KHDRBS1: variants seen among roughly 807,000 people sequenced by gnomAD.
KHDRBS1 encodes the protein KH RNA binding domain containing, signal transduction associated 1.
A neutral mutation model predicts 48.4 loss-of-function variants in KHDRBS1; 7 were observed. The observed-to-expected ratio is 0.14, with a 90% CI of 0.08 to 0.27. The LOEUF (loss-of-function observed/expected upper bound fraction) is 0.27, where lower values mean the gene tolerates loss of function less well. KHDRBS1 is among the 10% of genes least tolerant of loss of function. The pLI is 1.00. For missense variants in KHDRBS1, 458 were observed against 601.2 expected, an observed-to-expected ratio of 0.76 and a Z score of 2.49; for synonymous variants, 241 against 235.8, an observed-to-expected ratio of 1.02 and a Z score of -0.20.
At chr1:32,023,911 C>T (rs1283662547) in intron 1 of KHDRBS1, among the ~76,000 whole-genome samples, 2 of 152,024 alleles carry the variant, frequency 1.3e-5, no homozygotes, top group Non-Finnish European at 2.9e-5. Context: ...TAAAGTGTGC[C>T]CCCCACAAAC....
intron 1 of KHDRBS1, among the ~76,000 whole-genome samples, chr1:32,028,782 A>G (rs372080665): frequency 6.7e-6 from 1 of 150,182 alleles, no homozygotes; most frequent in African/African-American, 2.4e-5. Flanking sequence ...TGGGATTACA[A>G]GCGTGAGCCA....
Position 32,030,429 on chromosome 1 carries a change from C to T in KHDRBS1, c.507+7C>T. On this transcript the variant is annotated splice_region_variant and intron_variant, in intron 2 of 8. Transcript: ENST00000327300. ...TGTCAAGCAGTATCCCAAGGTAAGG[C>T]AAAAAGTGCTTTGGATCTTTGAGTT... is the stretch of plus-strand genomic sequence containing the variant. 1.3e-6 allele frequency: 2 copies of T among 1,590,318 alleles called. No homozygotes were observed. The highest frequency in any genetic ancestry group is 1.7e-6 in the Non-Finnish European group (2 of 1,171,380).
chr1:32,059,166 A>G (rs1026954789), intron 10 of KHDRBS1, among the ~76,000 whole-genome samples: 13 of 128,462 alleles, frequency 1.0e-4, no homozygotes, highest in Non-Finnish European at 1.8e-4. Flanking sequence ...GTCTCAGGAG[A>G]AAAAAAAAAA....
chr1:32,047,262 G>A (rs1431638930), downstream of KHDRBS1, among the ~76,000 whole-genome samples: 1 of 152,158 alleles, frequency 6.6e-6, no homozygotes, highest in Non-Finnish European at 1.5e-5. Context: ...GGGTTCAAGC[G>A]ATTCCCCTGC....
chr1:32,016,376 A>C (rs961716364), intron 1 of KHDRBS1, among the ~76,000 whole-genome samples: 3 of 152,168 alleles, frequency 2.0e-5, no homozygotes, highest in African/African-American at 7.2e-5. Context: ...AGGTAACAAA[A>C]TTAGTAAGCA....
chr1:32,017,257 C>CA (rs1003013929), intron 1 of KHDRBS1, among the ~76,000 whole-genome samples: 198 of 109,126 alleles, frequency 1.8e-3, no homozygotes, highest in Middle Eastern at 0.012. Context: ...GACTCCGTCT[C>CA]AAAAAAAAAA....
At chr1:32,017,962 A>G (rs1034946076) in intron 1 of KHDRBS1, among the ~76,000 whole-genome samples, 3 of 152,176 alleles carry the variant, frequency 2.0e-5, no homozygotes, top group Non-Finnish European at 2.9e-5. Flanking sequence ...TGACTCAAGA[A>G]TAAACATTTT....
intron 1 of KHDRBS1, among the ~76,000 whole-genome samples, chr1:32,016,265 A>G (rs1206831473): frequency 1.3e-5 from 2 of 152,076 alleles, no homozygotes; most frequent in Admixed American, 6.6e-5. Context: ...AGCACTTTAC[A>G]TTAAATATTT....
intron 10 of KHDRBS1, among the ~76,000 whole-genome samples, chr1:32,059,024 G>A (rs930836618): frequency 1.3e-5 from 2 of 151,934 alleles, no homozygotes; most frequent in East Asian, 1.9e-4. Flanking sequence ...GGGCATGGTG[G>A]TGCGTGCCTG....
intron 1 of KHDRBS1, among the ~76,000 whole-genome samples, chr1:32,021,077 G>T (rs1177145817): frequency 6.6e-6 from 1 of 151,908 alleles, no homozygotes; most frequent in Non-Finnish European, 1.5e-5. Flanking sequence ...CAGGATCTCT[G>T]TTATTTCTTA....
chr1:32,032,838 C>T lies in KHDRBS1; in HGVS notation c.625-350C>T, dbSNP rs954315236. 3.3e-5 allele frequency among the ~76,000 whole-genome samples: 5 copies of T among 151,966 alleles called. No homozygotes were observed. The East Asian group carries it at 5.8e-4, about 18-fold the overall frequency. On this transcript the variant is annotated intron_variant, in intron 3 of 8. Transcript: ENST00000327300. Reference sequence around the variant, plus strand: ...CTGAGTAGCTGGGATTACAGGCGTGCGCCACCATGCCCGGCTAATTTTTGT... The same window carrying T: ...CTGAGTAGCTGGGATTACAGGCGTGTGCCACCATGCCCGGCTAATTTTTGT...
At chr1:32,025,473 G>A (rs953149607) in intron 1 of KHDRBS1, among the ~76,000 whole-genome samples, 3 of 150,818 alleles carry the variant, frequency 2.0e-5, no homozygotes, top group African/African-American at 7.3e-5. Context: ...GCTCATTTTT[G>A]TACTTTTAAT....
Position 32,025,114 on chromosome 1 carries a change from A to T in KHDRBS1, c.383-5184A>T, listed in dbSNP as rs1638938371. ...GAGACCCCATCTCTACAAATAAAAA[A>T]AATTAGCCAGGCATGGTGGCACGCG... On this transcript the variant is annotated intron_variant, in intron 1 of 8. Transcript: ENST00000327300. 5.3e-5 allele frequency among the ~76,000 whole-genome samples: 8 copies of T among 150,158 alleles called. 1 individual carries two copies. The highest frequency in any genetic ancestry group is 5.3e-4 in the Admixed American group (8 of 15,112).
intron 3 of KHDRBS1, 49 bp downstream of exon 3, chr1:32,031,689 G>T: frequency 8.4e-7 from 1 of 1,188,170 alleles, no homozygotes; most frequent in Non-Finnish European, 1.2e-6. Flanking sequence ...CCTTCTACTT[G>T]CCCAGAATGC....
At chr1:32,025,362 A>G (rs1345972924) in intron 1 of KHDRBS1, among the ~76,000 whole-genome samples, 2 of 127,838 alleles carry the variant, frequency 1.6e-5, no homozygotes, top group African/African-American at 6.2e-5. Flanking sequence ...GTGCAGTGGC[A>G]CGATCTCAGC....
chr1:32,045,588 A>T (rs571949083), downstream of KHDRBS1, among the ~76,000 whole-genome samples: 3 of 152,234 alleles, frequency 2.0e-5, no homozygotes, highest in South Asian at 6.2e-4. Flanking sequence ...GACAATATCA[A>T]CTTAGATCTG....
At position 32,033,277 on chromosome 1, in the gene KHDRBS1, T is replaced by G; in HGVS notation, c.714T>G (p.Cys238Trp). The part of the protein sequence containing the change: ...HVFIEVFGPP[C>W]EAYALMAHAM... ...TCATTGAAGTCTTTGGACCCCCATG[T>G]GAGGCTTATGCTCTTATGGCCCATG... Residue 238 changes from cysteine (C) to tryptophan (W), a missense_variant, in exon 4 of 9, where the codon TGT becomes TGG. By Grantham distance (215) the Cys-to-Trp change is radical. This residue lies in a region of KHDRBS1 where 74 missense variants were observed against 156.9 expected (regional missense o/e 0.47). Coordinates refer to ENST00000327300, the MANE Select transcript of KHDRBS1 (RefSeq NM_006559.3). 6.2e-7 allele frequency: 1 copy of G among 1,614,226 alleles called. No individual in the cohort carries two copies. The highest frequency in any genetic ancestry group is 8.5e-7 in the Non-Finnish European group (1 of 1,180,036).
intron 8 of KHDRBS1, among the ~76,000 whole-genome samples, chr1:32,041,646 G>A (rs1189562646): frequency 7.0e-6 from 1 of 142,452 alleles, no homozygotes; most frequent in Non-Finnish European, 1.5e-5. Context: ...CTGGAGTGGA[G>A]TGGCACAATC....
At chr1:32,024,488 T>A (rs577537080) in intron 1 of KHDRBS1, among the ~76,000 whole-genome samples, 5,080 of 144,742 alleles carry the variant, frequency 0.035, 272 homozygotes, top group African/African-American at 0.12. Flanking sequence ...TTTAATTTAT[T>A]TTTTTTTTTT....
Sources: allele counts gnomAD v4.1 joint callset (sites outside exome capture counted in the v4.1 genomes callset), GRCh38; gene constraint gnomAD v4.1.1; regional missense constraint gnomAD v4.1.1; transcripts MANE v1.5; gene names NCBI Gene and HGNC (gene_info 2026-07-23, HGNC 2026-07-21).